Variants in ARMC10 observed in about 807,000 individuals in gnomAD.
The protein encoded by ARMC10 is armadillo repeat containing 10.
In ARMC10, 23 loss-of-function variants were observed where a neutral mutation model predicts 30.2. The observed-to-expected ratio is 0.76, with a 90% CI of 0.55 to 1.08. ARMC10 has a LOEUF of 1.08. Among genes scored for constraint, ARMC10 ranks in the 50% least tolerant of loss-of-function variants. The pLI, the probability that ARMC10 is intolerant of heterozygous loss-of-function variation, is 0.00. For synonymous variants in ARMC10, 111 were observed against 164.4 expected (o/e 0.68, Z 2.48); for missense variants, 303 against 413.7 (o/e 0.73, Z 2.32).
At chr7:103,082,276 C>T (rs952792527) in intron 2 of ARMC10, among the ~76,000 whole-genome samples, 2 of 152,070 alleles carry the variant, frequency 1.3e-5, no homozygotes, top group African/African-American at 4.8e-5. Flanking sequence ...TTATATATCA[C>T]GTACCACATA....
chr7:103,092,710 C>G, intron 5 of ARMC10, 57 bp downstream of exon 5: 1 of 1,307,292 alleles, frequency 7.6e-7, no homozygotes, highest in Non-Finnish European at 1.0e-6. Flanking sequence ...TGCAGGCCAC[C>G]TATCTTAAGT....
intron 4 of ARMC10, among the ~76,000 whole-genome samples, chr7:103,088,028 T>C (rs1356552924): frequency 6.6e-6 from 1 of 152,184 alleles, no homozygotes. Flanking sequence ...TTGGAGGCTA[T>C]GTACCAAGTG....
rs1262803548 is a variant in ARMC10, at chr7:103,099,490, T to TG, written c.*939dup. 4 of 146,970 alleles carry TG rather than the reference T, an allele frequency of 2.7e-5. No homozygotes were observed. The highest frequency in any genetic ancestry group is 9.9e-5 in the African/African-American group (4 of 40,206). The allele number at this position is 146,970 out of a possible 1,614,324, so 9.1% of individuals were successfully genotyped here. Reference sequence around the variant, plus strand: ...CTGTCTCAAAAAAAAAAAAAAATGATGGAGCTCCGAATGTGCTTAAGTGGA... The same window carrying TG: ...CTGTCTCAAAAAAAAAAAAAAATGATGGGAGCTCCGAATGTGCTTAAGTGGA... On this transcript the variant is annotated 3_prime_UTR_variant, in exon 7 of 7. Coordinates refer to ENST00000323716, the MANE Select transcript of ARMC10 (RefSeq NM_031905.5).
Position 103,086,623 on chromosome 7 carries a change from C to G in ARMC10, c.394-7C>G. On this transcript the variant is annotated splice_polypyrimidine_tract_variant and splice_region_variant and intron_variant, in intron 3 of 6. Transcript: ENST00000323716. ...GTCCTGCTTTTTTTTTTTTTTTCCCCTCGTAGGCTATTATTCGTGAATTGG... is the reference window on the plus strand; with the variant it reads ...GTCCTGCTTTTTTTTTTTTTTTCCCGTCGTAGGCTATTATTCGTGAATTGG... 6.4e-7 allele frequency: 1 copy of G among 1,573,178 alleles called. No individual in the cohort carries two copies. Among genetic ancestry groups the G allele is most frequent in the Non-Finnish European group, 8.6e-7 (1 of 1,169,342 alleles).
In ARMC10 at chr7:103,086,675, A is replaced by G. The variant is rs775335105; in HGVS notation, c.439A>G (p.Ile147Val). The G allele has an allele frequency of 6.3e-7, 1 of 1,594,838 alleles. No homozygotes were observed. Among genetic ancestry groups the G allele is most frequent in the Admixed American group, 1.8e-5 (1 of 54,228 alleles). The part of the protein sequence containing the change: ...LGGIPIVANK[I>V]NHSNQSIKEK... ...TGGTATTCCAATTGTTGCAAACAAA[A>G]TCAACCATTCCAACCAGAGTATTAA... Residue 147 changes from isoleucine (I) to valine (V), a missense_variant, in exon 4 of 7, where the codon ATC (isoleucine) becomes GTC (valine). Transcript: ENST00000323716.
intron 5 of ARMC10, chr7:103,095,961 C>T (rs1801727298): frequency 3.3e-5 from 5 of 151,896 alleles, no homozygotes. Context: ...GGAGGGATAG[C>T]ATTGGGAGAT....
chr7:103,093,650 G>GC (rs35116285), intron 5 of ARMC10, among the ~76,000 whole-genome samples: 12,540 of 152,198 alleles, frequency 0.082, 624 homozygotes, highest in Middle Eastern at 0.14. Flanking sequence ...ATAACTTCCA[G>GC]CCCCTGAACC....
intron 3 of ARMC10, among the ~76,000 whole-genome samples, chr7:103,085,261 T>A (rs955757247): frequency 2.5e-4 from 35 of 137,894 alleles, no homozygotes; most frequent in Admixed American, 1.5e-4. Context: ...ACAATACAGT[T>A]AAAAAAAAAA....
At chr7:103,075,471 G>A in intron 1 of ARMC10, 60 bp downstream of exon 1, 2 of 1,264,168 alleles carry the variant, frequency 1.6e-6, no homozygotes. Context: ...TCCCCAGGCC[G>A]GGGTGGTGGC....
chr7:103,077,565 G>C (rs564447687), intron 2 of ARMC10, among the ~76,000 whole-genome samples: 10 of 152,076 alleles, frequency 6.6e-5, no homozygotes, highest in Non-Finnish European at 1.0e-4. Flanking sequence ...ATTAATCCAT[G>C]AATGGATTAA....
At position 103,097,271 on chromosome 7, in the gene ARMC10, T is replaced by C. The variant is rs1404119601; in HGVS notation, c.706-6T>C. 3 of 1,612,920 alleles carry C rather than the reference T, an allele frequency of 1.9e-6. No homozygotes were observed. The highest frequency in any genetic ancestry group is 1.3e-5 in the African/African-American group (1 of 74,894). Reference sequence around the variant, plus strand: ...TCTGAGATAAGCCAGTATCATCTTCTTTCAGGTGCAAGTTTTGAAACTGCT... The same window carrying C: ...TCTGAGATAAGCCAGTATCATCTTCCTTCAGGTGCAAGTTTTGAAACTGCT... On this transcript the variant is annotated splice_polypyrimidine_tract_variant and splice_region_variant and intron_variant, in intron 5 of 6. Coordinates refer to ENST00000323716, the MANE Select transcript of ARMC10 (RefSeq NM_031905.5).
chr7:103,084,293 G>C (rs1416366576), intron 3 of ARMC10, among the ~76,000 whole-genome samples: 1 of 152,170 alleles, frequency 6.6e-6, no homozygotes, highest in Non-Finnish European at 1.5e-5. Context: ...AGACTAAAGA[G>C]CTTAATTTGA....
In ARMC10 at chr7:103,092,589, A is replaced by G; in HGVS notation, c.641A>G (p.His214Arg). The G allele has an allele frequency of 6.2e-7, 1 of 1,609,124 alleles. No homozygotes were observed. The highest frequency in any genetic ancestry group is 2.2e-5 in the East Asian group (1 of 44,774). Residue 214 changes from histidine to arginine, a missense_variant, in exon 5 of 7, where the codon CAC becomes CGC. This residue lies in a region of ARMC10 where 170 missense variants were observed against 207.2 expected (regional missense o/e 0.82). Coordinates refer to ENST00000323716, the MANE Select transcript of ARMC10 (RefSeq NM_031905.5). ...ATGACTGTTACCAATGACCACCAGCACATGCTTCACAGTTACATTACAGAC... is the reference window on the plus strand; with the variant it reads ...ATGACTGTTACCAATGACCACCAGCGCATGCTTCACAGTTACATTACAGAC... ...TNMTVTNDHQ[H>R]MLHSYITDLF... is the part of the protein sequence containing the mutation.
At position 103,075,474 on chromosome 7, in the gene ARMC10, G is replaced by A. The variant is rs1400600107; in HGVS notation, c.139+63G>A. 3 of 1,261,360 alleles carry A rather than the reference G, an allele frequency of 2.4e-6. No homozygotes were observed. The African/African-American group carries it at 4.6e-5, about 19-fold the overall frequency. The allele number at this position is 1,261,360 out of a possible 1,614,324, so 78.1% of individuals were successfully genotyped here. ...GGGCAGGGGGGCTCCCCAGGCCGGG[G>A]TGGTGGCTTGCGTGTGCTCGGGGTA... On this transcript the variant is annotated intron_variant, in intron 1 of 6. Coordinates refer to ENST00000323716, the MANE Select transcript of ARMC10 (RefSeq NM_031905.5).
At chr7:103,082,013 T>G in intron 2 of ARMC10, 1 of 418,244 alleles carries the variant, frequency 2.4e-6, no homozygotes, top group Non-Finnish European at 4.8e-6. Flanking sequence ...CTTCAGTTTC[T>G]TCCTGTGTAA....
intron 3 of ARMC10, 101 bp downstream of exon 3, chr7:103,083,931 C>G (rs1800610601): frequency 1.3e-6 from 2 of 1,497,338 alleles, no homozygotes; most frequent in Admixed American, 3.8e-5. Context: ...CCTCAATTTC[C>G]TCATCTGTGC....
intron 1 of ARMC10, 57 bp from the exon 2 acceptor site, chr7:103,075,720 C>A: frequency 1.5e-6 from 2 of 1,334,464 alleles, no homozygotes; most frequent in Admixed American, 2.6e-5. Context: ...AGGGATTCTC[C>A]CGATTGTGGA....
intron 3 of ARMC10, 54 bp downstream of exon 3, chr7:103,083,884 A>G: frequency 1.9e-6 from 3 of 1,588,644 alleles, no homozygotes; most frequent in Non-Finnish European, 2.6e-6. Context: ...CACTAGCGGT[A>G]ATTGTGACCC....
At chr7:103,084,138 C>A in intron 3 of ARMC10, 1 of 834,024 alleles carries the variant, frequency 1.2e-6, no homozygotes, top group Non-Finnish European at 1.7e-6. Context: ...TTCAGTAAAA[C>A]AATGAATGCA....
Sources: allele counts gnomAD v4.1 joint callset (sites outside exome capture counted in the v4.1 genomes callset), GRCh38; gene constraint gnomAD v4.1.1; regional missense constraint gnomAD v4.1.1; transcripts MANE v1.5; gene names NCBI Gene and HGNC (gene_info 2026-07-23, HGNC 2026-07-21).